GPAT2: variants seen among roughly 807,000 people sequenced by gnomAD.
GPAT2 encodes glycerol-3-phosphate acyltransferase 2, mitochondrial.
GPAT2 carries 51 observed loss-of-function variants against 71.0 expected under a neutral mutation model. The observed-to-expected ratio is 0.72, with a 90% confidence interval of 0.57 to 0.91. The LOEUF (loss-of-function observed/expected upper bound fraction) is 0.91. Ranked by LOEUF, GPAT2 falls within the 40% of genes least tolerant of loss-of-function variation. The pLI, the probability that GPAT2 is intolerant of heterozygous loss-of-function variation, is 0.00. For synonymous variants in GPAT2, 222 were observed against 290.3 expected (o/e 0.76, Z 2.39); for missense variants, 511 against 666.0 (o/e 0.77, Z 2.56).
chr2:96,025,732 A>G (rs1573861469), intron 12 of GPAT2, 129 bp from the exon 13 acceptor site: 1 of 1,467,362 alleles, frequency 6.8e-7, no homozygotes, highest in Non-Finnish European at 9.3e-7. Context: ...GGCTTCTATA[A>G]CCCCCAGTCC....
Position 96,026,214 on chromosome 2 carries a change from C to T in GPAT2, c.1124G>A (p.Arg375Gln), listed in dbSNP as rs763632875. ...GGAAAAGGGCTGAGCTAGGTGCACC[C>T]GGGAGCAGATCCGGTGGCTGCAGCC... Reference protein sequence around the residue: ...RWGCSHRICSRVHLAQPFSLQ... With the variant: ...RWGCSHRICSQVHLAQPFSLQ... The change falls in exon 11 of 22, where the codon CGG becomes CAG. Residue 375 changes from arginine (R) to glutamine (Q), a missense_variant. Transcript: ENST00000434632. 2.2e-5 allele frequency: 35 copies of T among 1,611,618 alleles called. No individual in the cohort carries two copies. The Admixed American group carries it at 2.5e-4, about 12-fold the overall frequency.
At chr2:96,024,364 A>G in intron 15 of GPAT2, 27 bp from the exon 16 acceptor site, 4 of 1,602,604 alleles carry the variant, frequency 2.5e-6, no homozygotes, top group Non-Finnish European at 3.4e-6. Context: ...CATTATGAAG[A>G]AGGAGCCGTT....
chr2:96,022,032 A>C lies in GPAT2; in HGVS notation c.*127T>G. 6.8e-7 allele frequency: 1 copy of C among 1,473,672 alleles called. No homozygotes were observed. The highest frequency in any genetic ancestry group is 1.4e-5 in the South Asian group (1 of 72,532). 91.3% of individuals were successfully genotyped at this position (1,473,672 alleles called of 1,614,324 possible). On this transcript the variant is annotated 3_prime_UTR_variant, in exon 22 of 22. Transcript: ENST00000434632. The stretch of plus-strand genomic sequence containing the variant: ...GAAAAAGCAAGAGATGGCAAGGGAC[A>C]ATCAAGCCTCAATGATTATATTTAT...
chr2:96,024,817 T>C lies in GPAT2; in HGVS notation c.1384A>G (p.Ser462Gly). ...SASVGSSAVM[S>G]TAIMATLLLF... Reference sequence around the variant, plus strand: ...AGCAGCGTTGCCATAATGGCCGTGCTCATCACCGCAGAGCTCCCTACACTG... The same window carrying C: ...AGCAGCGTTGCCATAATGGCCGTGCCCATCACCGCAGAGCTCCCTACACTG... The change falls in exon 14 of 22, where the codon AGC (serine) becomes GGC (glycine). Residue 462 changes from serine (S) to glycine (G), a missense_variant. Around this residue, in one of 7 missense-constraint regions of GPAT2, gnomAD observed 295 missense variants for 305.5 expected, o/e 0.97. Coordinates refer to ENST00000434632, the MANE Select transcript of GPAT2 (RefSeq NM_001321527.2). 6.2e-7 allele frequency: 1 copy of C among 1,613,482 alleles called. No homozygotes were observed. Among genetic ancestry groups the C allele is most frequent in the Non-Finnish European group, 8.5e-7 (1 of 1,179,934 alleles).
chr2:96,025,048 C>T (rs1680246855), intron 13 of GPAT2: 1 of 634,002 alleles, frequency 1.6e-6, no homozygotes, highest in Admixed American at 2.6e-5. Context: ...CATCGTAGGG[C>T]CCACACATCA....
chr2:96,022,750 C>G lies in GPAT2; in HGVS notation c.2234-27G>C, dbSNP rs766456466. The G allele has an allele frequency of 3.7e-6, 6 of 1,613,966 alleles. 1 individual carries two copies. Among genetic ancestry groups the G allele is most frequent in the Non-Finnish European group, 8.5e-7 (1 of 1,179,864 alleles). On this transcript the variant is annotated intron_variant, in intron 20 of 21. Transcript: ENST00000434632. Reference sequence around the variant, plus strand: ...TGGAAAGAAGAGAGAAGTGAAGGCTCTAGGTAGGGAGAACAGAGAGCCACT... The same window carrying G: ...TGGAAAGAAGAGAGAAGTGAAGGCTGTAGGTAGGGAGAACAGAGAGCCACT...
rs1573859996 is a variant in GPAT2, at chr2:96,025,402, G to A, written c.1357+83C>T. On this transcript the variant is annotated intron_variant, in intron 13 of 21. Coordinates refer to ENST00000434632, the MANE Select transcript of GPAT2 (RefSeq NM_001321527.2). ...CACCTCAGGTGCAGACACTTGGAAT[G>A]GAGAACCCTGGTGACTGGCTGACCC... 2.0e-6 allele frequency: 3 copies of A among 1,496,678 alleles called. No individual in the cohort carries two copies. In the East Asian group the frequency reaches 7.1e-5, roughly 36 times the overall value. 92.7% of individuals were successfully genotyped at this position (1,496,678 alleles called of 1,614,324 possible).
Position 96,023,786 on chromosome 2 carries a change from G to A in GPAT2, c.1914+137C>T, listed in dbSNP as rs535135810. On this transcript the variant is annotated intron_variant, in intron 17 of 21. Coordinates refer to ENST00000434632, the MANE Select transcript of GPAT2 (RefSeq NM_001321527.2). ...GCAGAGGTGCGAGCTAGGCTTCCCC[G>A]CTGCAAGGCCAGGGGCTGCCCACCC... The A allele has an allele frequency of 7.9e-5, 114 of 1,449,136 alleles. No individual in the cohort carries two copies. In the South Asian group the frequency reaches 1.2e-3, roughly 16 times the overall value. The allele number at this position is 1,449,136 out of a possible 1,614,324, so 89.8% of individuals were successfully genotyped here.
intron 21 of GPAT2, 101 bp from the exon 22 acceptor site, chr2:96,022,376 C>G: frequency 7.3e-7 from 1 of 1,362,534 alleles, no homozygotes; most frequent in South Asian, 1.5e-5. Flanking sequence ...CTTGAGACCT[C>G]TGGCCCCTTA....
intron 13 of GPAT2, 41 bp from the exon 14 acceptor site, chr2:96,024,884 G>A: frequency 6.2e-7 from 1 of 1,605,266 alleles, no homozygotes; most frequent in South Asian, 1.1e-5. Context: ...TCAGGTTGAG[G>A]CCCAGCAGCC....
chr2:96,030,304 AC>A, intron 6 of GPAT2, 101 bp downstream of exon 6: 1 of 491,044 alleles, frequency 2.0e-6, no homozygotes, highest in South Asian at 2.0e-5. Flanking sequence ...CTATCCAGCA[AC>A]CCAGGAGGAG....
rs1224350621 is a variant in GPAT2, at chr2:96,026,200, G to C, written c.1138C>G (p.Gln380Glu). 2.5e-6 allele frequency: 4 copies of C among 1,610,776 alleles called. No homozygotes were observed. Among genetic ancestry groups the C allele is most frequent in the Non-Finnish European group, 3.4e-6 (4 of 1,178,774 alleles). Residue 380 changes from glutamine to glutamate, a missense_variant, in exon 11 of 22, where the codon CAG becomes GAG. Around this residue, in one of 7 missense-constraint regions of GPAT2, gnomAD observed 79 missense variants for 111.4 expected, o/e 0.71. Transcript: ENST00000434632. ...CTCCATACCTGCAGGGAAAAGGGCT[G>C]AGCTAGGTGCACCCGGGAGCAGATC... ...HRICSRVHLA[Q>E]PFSLQEYIVS... is the part of the protein sequence containing the mutation.
chr2:96,023,484 A>G, intron 17 of GPAT2, 44 bp from the exon 18 acceptor site: 2 of 1,607,384 alleles, frequency 1.2e-6, no homozygotes, highest in Non-Finnish European at 1.7e-6. Flanking sequence ...CTGGCCAGGG[A>G]TCAACCCTAC....
chr2:96,025,805 T>C, intron 12 of GPAT2, 125 bp downstream of exon 12: 1 of 1,201,472 alleles, frequency 8.3e-7, no homozygotes, highest in South Asian at 1.3e-5. Flanking sequence ...CCTGGAACTA[T>C]TCTAGATGAC....
At chr2:96,026,103 G>C in intron 11 of GPAT2, 80 bp downstream of exon 11, 1 of 1,575,368 alleles carries the variant, frequency 6.3e-7, no homozygotes, top group Non-Finnish European at 8.7e-7. Context: ...TATCCCTGCA[G>C]TGGCTTTGAG....
At position 96,022,516 on chromosome 2, in the gene GPAT2, G is replaced by C. The variant is rs1322936756; in HGVS notation, c.2289+152C>G. On this transcript the variant is annotated intron_variant, in intron 21 of 21. Coordinates refer to ENST00000434632, the MANE Select transcript of GPAT2 (RefSeq NM_001321527.2). ...CCTTCTCCAACCCATCACCAAATCT[G>C]TTGCTGGAAGACACCAAGTAAATCC... 3.2e-6 allele frequency: 3 copies of C among 940,104 alleles called. No homozygotes were observed. In the Admixed American group the frequency reaches 5.8e-5, roughly 18 times the overall value. 58.2% of individuals were successfully genotyped at this position (940,104 alleles called of 1,614,324 possible).
chr2:96,022,402 G>A (rs985358846), intron 21 of GPAT2, 127 bp from the exon 22 acceptor site: 62 of 1,203,880 alleles, frequency 5.2e-5, no homozygotes, highest in Middle Eastern at 2.8e-4. Flanking sequence ...CAATGTTTGC[G>A]TGCAAATGCT....
intron 13 of GPAT2, 163 bp from the exon 14 acceptor site, chr2:96,025,006 AGGCCAGGAGCTG>A: frequency 3.7e-6 from 3 of 801,580 alleles, no homozygotes; most frequent in Admixed American, 4.3e-5. Context: ...GGCTGAGAGC[AGGCCAGGAGCTG>A]GGGGCCTTCC....
At chr2:96,026,130 T>C in intron 11 of GPAT2, 53 bp downstream of exon 11, 1 of 1,574,428 alleles carries the variant, frequency 6.4e-7, no homozygotes, top group Non-Finnish European at 8.7e-7. Context: ...GCTGCCAGGA[T>C]GCCTAGGACA....
Sources: gnomAD v4.1 joint callset for allele counts on GRCh38, gnomAD v4.1.1 for gene constraint, gnomAD v4.1.1 regional missense constraint, MANE v1.5 for transcripts, NCBI Gene and HGNC (gene_info 2026-07-23, HGNC 2026-07-21) for gene names.